The following ZNF695 variants were observed in gnomAD, a reference collection of about 807,000 sequenced individuals.
The protein encoded by ZNF695 is zinc finger protein 695.
Under a neutral mutation model 11.2 loss-of-function variants are expected in ZNF695, and 11 were observed. The ratio of observed to expected loss-of-function variants is 0.98; its 90% CI spans 0.62 to 1.62. ZNF695 has a LOEUF of 1.62. Among genes scored for constraint, ZNF695 ranks in the 40% most tolerant of loss-of-function variants. ZNF695 has a pLI of 0.00. For synonymous variants in ZNF695, 190 were observed against 201.4 expected (o/e 0.94, Z 0.48); for missense variants, 559 against 590.5 (o/e 0.95, Z 0.55).
intron 5 of ZNF695, among the ~76,000 whole-genome samples, chr1:246,963,520 T>G (rs186940433): frequency 1.6e-4 from 25 of 152,230 alleles, no homozygotes; most frequent in Admixed American, 1.1e-3. Context: ...GGAGGAACAA[T>G]GAAGCGAACA....
intron 4 of ZNF695, among the ~76,000 whole-genome samples, chr1:246,970,878 T>C (rs759815878): frequency 2.0e-5 from 3 of 152,228 alleles, no homozygotes; most frequent in Non-Finnish European, 4.4e-5. Flanking sequence ...GCGATTCTCC[T>C]GCCTCAGCCT....
intron 5 of ZNF695, among the ~76,000 whole-genome samples, chr1:246,948,891 A>G (rs1667803218): frequency 6.6e-6 from 1 of 152,190 alleles, no homozygotes; most frequent in African/African-American, 2.4e-5. Context: ...AACTGGAATA[A>G]TAATAGCGCC....
intron 5 of ZNF695, among the ~76,000 whole-genome samples, chr1:246,954,194 G>C (rs553184370): frequency 6.6e-6 from 1 of 152,292 alleles, no homozygotes; most frequent in African/African-American, 2.4e-5. Flanking sequence ...CAACCTTAAA[G>C]CTACAGAAGG....
Position 246,985,757 on chromosome 1 carries a change from C to T in ZNF695, c.*1210G>A. 1 of 985,402 alleles carries T rather than the reference C, an allele frequency of 1.0e-6. No individual in the cohort carries two copies. Among genetic ancestry groups the T allele is most frequent in the South Asian group, 4.7e-5 (1 of 21,288 alleles). The allele number at this position is 985,402 out of a possible 1,614,324, so 61.0% of individuals were successfully genotyped here. A position where few individuals can be genotyped will look rare whatever the true frequency, so the allele number is the denominator to read the frequency against. ...CTTAAATATAATGCAGAATAGTACT[C>T]TGAAGACCTATCTCATGAATCACTT... On this transcript the variant is annotated 3_prime_UTR_variant, in exon 4 of 4. Coordinates refer to ENST00000339986, the MANE Select transcript of ZNF695 (RefSeq NM_020394.5).
At chr1:246,946,509 G>C (rs1179198596) in intron 5 of ZNF695, among the ~76,000 whole-genome samples, 7 of 152,246 alleles carry the variant, frequency 4.6e-5, no homozygotes, top group Non-Finnish European at 1.0e-4. Flanking sequence ...CATTTGTGAA[G>C]GTTGAAAGGA....
intron 5 of ZNF695, among the ~76,000 whole-genome samples, chr1:246,961,163 T>C (rs1668153782): frequency 6.6e-6 from 1 of 152,180 alleles, no homozygotes; most frequent in South Asian, 2.1e-4. Flanking sequence ...AATGCATATG[T>C]AACTCAAACT....
intron 4 of ZNF695, among the ~76,000 whole-genome samples, chr1:246,974,142 TA>T (rs963537852): frequency 0.012 from 1,014 of 83,252 alleles, 13 homozygotes; most frequent in African/African-American, 0.071. Flanking sequence ...TTATTTGGAA[TA>T]AAAAACAAAC....
Position 246,957,980 on chromosome 1 carries a change from C to T in ZNF695, c.488+9715G>A, listed in dbSNP as rs528310695. ...TTCTATGATGAGTCTGACACTTCTC[C>T]CACAGAGACGTTGGATCTATGTTTC... On this transcript the variant is annotated intron_variant, in intron 5 of 5. Coordinates refer to the ZNF695 transcript ENST00000487338. Among the ~76,000 whole-genome samples, 16 of 152,168 alleles carry T rather than the reference C, an allele frequency of 1.1e-4. No homozygotes were observed. In the South Asian group the frequency reaches 2.9e-3, roughly 28 times the overall value.
At chr1:246,957,067 C>A (rs1668019453) in intron 5 of ZNF695, among the ~76,000 whole-genome samples, 4 of 152,086 alleles carry the variant, frequency 2.6e-5, no homozygotes, top group African/African-American at 9.7e-5. Context: ...CTTTGTACTA[C>A]TCTTTCAAGT....
intron 3 of ZNF695, chr1:246,996,241 A>G: frequency 3.3e-6 from 1 of 300,300 alleles, no homozygotes; most frequent in Non-Finnish European, 6.4e-6. Context: ...CTGTAGTCCC[A>G]GCAACCCAGG....
intron 1 of ZNF695, among the ~76,000 whole-genome samples, chr1:247,002,508 G>A (rs902172059): frequency 1.3e-5 from 2 of 152,116 alleles, no homozygotes; most frequent in Non-Finnish European, 2.9e-5. Flanking sequence ...AACCAAGGCC[G>A]GGCGTGGTGG....
chr1:247,004,479 A>G (rs1669480793), intron 1 of ZNF695, among the ~76,000 whole-genome samples: 1 of 152,194 alleles, frequency 6.6e-6, no homozygotes, highest in Non-Finnish European at 1.5e-5. Flanking sequence ...ACCCACAGCT[A>G]GTATACTGAA....
intron 5 of ZNF695, among the ~76,000 whole-genome samples, chr1:246,961,786 C>A (rs962159656): frequency 6.6e-6 from 1 of 152,194 alleles, no homozygotes; most frequent in Non-Finnish European, 1.5e-5. Context: ...GTTCAGATAG[C>A]TTGAACTTAG....
At chr1:246,964,671 G>C (rs956365423) in intron 5 of ZNF695, among the ~76,000 whole-genome samples, 2 of 152,134 alleles carry the variant, frequency 1.3e-5, no homozygotes, top group African/African-American at 4.8e-5. Context: ...AGGAGTTCAA[G>C]ACCAGCCTGG....
At chr1:246,976,773 G>A (rs539885430) in intron 4 of ZNF695, among the ~76,000 whole-genome samples, 36 of 152,142 alleles carry the variant, frequency 2.4e-4, no homozygotes, top group Middle Eastern at 3.4e-3. Flanking sequence ...CAGCCTGGGC[G>A]ACAGAGCGAA....
At chr1:246,957,153 C>T (rs1299295286) in intron 5 of ZNF695, among the ~76,000 whole-genome samples, 1 of 152,004 alleles carries the variant, frequency 6.6e-6, no homozygotes. Flanking sequence ...GAGACCGAGG[C>T]CGGCAGATCA....
At chr1:246,969,098 T>G (rs938174672) in intron 4 of ZNF695, 1 of 152,238 alleles carries the variant, frequency 6.6e-6, no homozygotes, top group Non-Finnish European at 1.5e-5. Context: ...TGGTTTTTTC[T>G]TTTCTAATAC....
intron 1 of ZNF695, among the ~76,000 whole-genome samples, chr1:247,004,568 T>C (rs911277761): frequency 1.3e-5 from 2 of 152,298 alleles, no homozygotes; most frequent in Admixed American, 1.3e-4. Flanking sequence ...CTCAACTTAG[T>C]ACTGTAAGTC....
intron 1 of ZNF695, among the ~76,000 whole-genome samples, chr1:247,004,393 C>T (rs1462112102): frequency 6.6e-6 from 1 of 151,942 alleles, no homozygotes; most frequent in African/African-American, 2.4e-5. Context: ...ATTCAACATC[C>T]TTCATTGATT....
Sources: gnomAD v4.1 joint callset for allele counts (sites outside exome capture counted in the v4.1 genomes callset) on GRCh38, gnomAD v4.1.1 for gene constraint, MANE v1.5 for transcripts, NCBI Gene and HGNC (gene_info 2026-07-23, HGNC 2026-07-21) for gene names.